The following FRMD4A variants were observed in gnomAD, a reference collection of about 807,000 sequenced individuals.
FRMD4A encodes the protein FERM domain-containing protein 4A.
Under a neutral mutation model 129.1 loss-of-function variants are expected in FRMD4A, and 29 were observed. That is an observed-to-expected ratio of 0.22 (90% CI 0.17 to 0.31). The LOEUF (loss-of-function observed/expected upper bound fraction) is 0.31. Ranked by LOEUF, FRMD4A falls within the 10% of genes least tolerant of loss-of-function variation. FRMD4A has a pLI of 1.00. For synonymous variants in FRMD4A, 634 were observed against 571.6 expected (o/e 1.11, Z -1.56); for missense variants, 1,272 against 1,375.8 (o/e 0.92, Z 1.19).
intron 4 of FRMD4A, among the ~76,000 whole-genome samples, chr10:13,798,129 G>C (rs929986659): frequency 1.3e-5 from 2 of 152,206 alleles, no homozygotes; most frequent in Admixed American, 1.3e-4. Flanking sequence ...ATAATGAAAG[G>C]GTTGGGCGCA....
chr10:14,025,393 G>T (rs759343620), intron 2 of FRMD4A, among the ~76,000 whole-genome samples: 5 of 151,590 alleles, frequency 3.3e-5, no homozygotes, highest in African/African-American at 1.2e-4. Context: ...GTACTGTTCC[G>T]TAGTGTTAAG....
intron 8 of FRMD4A, among the ~76,000 whole-genome samples, chr10:13,750,109 G>GAAAGAAAGAAAGAAATAAAGAAAGAAAGA: frequency 1.4e-5 from 1 of 73,612 alleles, no homozygotes; most frequent in African/African-American, 5.8e-5. Context: ...AGAAAGAAAT[G>GAAAGAAAGAAAGAAATAAAGAAAGAAAGA]AAGAAAGAAA....
At chr10:13,670,336 T>C (rs2083413170) in intron 17 of FRMD4A, 70 bp downstream of exon 17, 4 of 1,519,944 alleles carry the variant, frequency 2.6e-6, no homozygotes, top group Non-Finnish European at 3.6e-6. Flanking sequence ...ACAGAAAACC[T>C]GGAAGGCCTG....
chr10:13,757,669 G>A (rs965287602), intron 8 of FRMD4A, among the ~76,000 whole-genome samples: 3 of 152,356 alleles, frequency 2.0e-5, no homozygotes, highest in African/African-American at 4.8e-5. Flanking sequence ...TGAGTTTCAT[G>A]AGAAAGAGTA....
chr10:13,714,251 C>T (rs756808164), intron 12 of FRMD4A, among the ~76,000 whole-genome samples: 5 of 150,008 alleles, frequency 3.3e-5, no homozygotes, highest in South Asian at 2.1e-4. Flanking sequence ...TTAGTAGAGA[C>T]GGGGTTTCAT....
intron 2 of FRMD4A, among the ~76,000 whole-genome samples, chr10:13,920,060 C>T (rs897788510): frequency 6.6e-6 from 1 of 152,174 alleles, no homozygotes; most frequent in African/African-American, 2.4e-5. Context: ...AAACTATATC[C>T]CCCACCACAG....
At chr10:13,858,964 G>A in intron 2 of FRMD4A, 52 bp from the exon 3 acceptor site, 1 of 1,126,772 alleles carries the variant, frequency 8.9e-7, no homozygotes, top group Non-Finnish European at 1.4e-6. Flanking sequence ...CCAGACAAAG[G>A]GTTAGAGGGT....
chr10:14,253,301 T>A (rs1271880024), intron 2 of FRMD4A, among the ~76,000 whole-genome samples: 1 of 152,218 alleles, frequency 6.6e-6, no homozygotes, highest in African/African-American at 2.4e-5. Flanking sequence ...AAATAGTGAA[T>A]TCCTCTCCTA....
chr10:13,714,135 C>G (rs7909891), intron 12 of FRMD4A, among the ~76,000 whole-genome samples: 4 of 142,018 alleles, frequency 2.8e-5, no homozygotes, highest in Admixed American at 1.5e-4. Context: ...TCTCAGCTCA[C>G]TGCAACCTCT....
At chr10:13,800,933 A>G (rs1376989391) in intron 4 of FRMD4A, among the ~76,000 whole-genome samples, 2 of 152,332 alleles carry the variant, frequency 1.3e-5, no homozygotes, top group Middle Eastern at 3.4e-3. Context: ...TTTATCAAGC[A>G]ATTAAATAGA....
intron 15 of FRMD4A, among the ~76,000 whole-genome samples, chr10:13,679,474 T>TATATATATACACACACACACAC (rs1308155926): frequency 1.6e-4 from 5 of 31,486 alleles, no homozygotes; most frequent in African/African-American, 2.7e-4. Context: ...TATATATATA[T>TATATATATACACACACACACAC]ACACACACAC....
At chr10:14,191,641 G>A (rs1260111134) in intron 2 of FRMD4A, among the ~76,000 whole-genome samples, 1 of 152,154 alleles carries the variant, frequency 6.6e-6, no homozygotes, top group Admixed American at 6.5e-5. Context: ...TCATAAAAGC[G>A]ATATTCCAAT....
chr10:13,811,435 T>A (rs915319720), intron 3 of FRMD4A, among the ~76,000 whole-genome samples: 9 of 151,638 alleles, frequency 5.9e-5, no homozygotes, highest in Non-Finnish European at 1.3e-4. Flanking sequence ...ACCTGGCTAA[T>A]TTTTGTATTT....
chr10:13,835,017 A>G (rs1029139061), intron 3 of FRMD4A, among the ~76,000 whole-genome samples: 5 of 152,220 alleles, frequency 3.3e-5, no homozygotes, highest in African/African-American at 7.2e-5. Flanking sequence ...CTAAGACCCA[A>G]GAGTGAGGCT....
At chr10:13,957,481 C>T (rs188009158) in intron 2 of FRMD4A, among the ~76,000 whole-genome samples, 53 of 152,280 alleles carry the variant, frequency 3.5e-4, no homozygotes, top group African/African-American at 1.2e-3. Context: ...TCTCAAACTT[C>T]TGACCTTAGG....
At chr10:14,237,899 C>A (rs533404748) in intron 2 of FRMD4A, among the ~76,000 whole-genome samples, 8 of 152,326 alleles carry the variant, frequency 5.3e-5, no homozygotes, top group Admixed American at 2.6e-4. Context: ...CAGCAGGGCA[C>A]GCACAGCCCT....
chr10:14,073,652 G>A (rs550675545), intron 2 of FRMD4A, among the ~76,000 whole-genome samples: 2 of 152,084 alleles, frequency 1.3e-5, no homozygotes, highest in South Asian at 2.1e-4. Flanking sequence ...TAGAAGAAGC[G>A]AACGGAGTGA....
At chr10:13,673,459 C>T (rs1486226963) in intron 16 of FRMD4A, among the ~76,000 whole-genome samples, 1 of 152,194 alleles carries the variant, frequency 6.6e-6, no homozygotes. Context: ...CTTTTGACTT[C>T]CCATTCTCAA....
At position 13,654,456 on chromosome 10, in the gene FRMD4A, G is replaced by A. The variant is rs1428180092; in HGVS notation, c.3010C>T (p.Pro1004Ser). The change falls in exon 23 of 25, where the codon CCC (proline) becomes TCC (serine). Residue 1004 changes from proline to serine, a missense_variant. Pro to Ser is a moderately conservative substitution (Grantham distance 74). Coordinates refer to ENST00000357447, the MANE Select transcript of FRMD4A (RefSeq NM_018027.5). The stretch of plus-strand genomic sequence containing the variant: ...AGGATGTGGTGGGGGCTGCTTGGGG[G>A]GGTGGCTCCAATTTCACTTGACGGT... ...STPSSEIGAT[P>S]PSSPHHILTW... 6 of 1,613,646 alleles carry A rather than the reference G, an allele frequency of 3.7e-6. No homozygotes were observed. In the East Asian group the frequency reaches 8.9e-5, roughly 24 times the overall value.
Sources: allele counts gnomAD v4.1 joint callset (sites outside exome capture counted in the v4.1 genomes callset), GRCh38; gene constraint gnomAD v4.1.1; transcripts MANE v1.5; gene names NCBI Gene and HGNC (gene_info 2026-07-23, HGNC 2026-07-21).